Variants in SPOCK1 observed in about 807,000 individuals in gnomAD.
The protein encoded by SPOCK1 is SPARC (osteonectin), cwcv and kazal like domains proteoglycan 1, also known as testican-1.
In SPOCK1, 23 loss-of-function variants were observed where a neutral mutation model predicts 55.3. The ratio of observed to expected loss-of-function variants is 0.42; its 90% CI spans 0.30 to 0.59. SPOCK1 has a LOEUF of 0.59. Among genes scored for constraint, SPOCK1 ranks in the 20% least tolerant of loss-of-function variants. The pLI is 0.22. For synonymous variants in SPOCK1, 226 were observed against 221.0 expected (o/e 1.02, Z -0.20); for missense variants, 499 against 552.5 (o/e 0.90, Z 0.97).
chr5:137,327,978 G>A (rs977342371), intron 2 of SPOCK1, among the ~76,000 whole-genome samples: 10 of 152,180 alleles, frequency 6.6e-5, no homozygotes, highest in East Asian at 1.9e-4. Flanking sequence ...ATCACACTGC[G>A]GAATTAACCA....
chr5:137,329,887 AT>A (rs1758139503), intron 2 of SPOCK1, among the ~76,000 whole-genome samples: 1 of 152,168 alleles, frequency 6.6e-6, no homozygotes, highest in Admixed American at 6.5e-5. Flanking sequence ...AGGAAATGCT[AT>A]TTTGGGGTCA....
intron 6 of SPOCK1, among the ~76,000 whole-genome samples, chr5:137,043,562 G>A (rs1752040809): frequency 6.6e-6 from 1 of 152,190 alleles, no homozygotes; most frequent in South Asian, 2.1e-4. Flanking sequence ...TGCATCAATG[G>A]TGATAAGTCA....
At chr5:137,202,249 G>GGAA (rs1257276695) in intron 3 of SPOCK1, among the ~76,000 whole-genome samples, 1 of 152,174 alleles carries the variant, frequency 6.6e-6, no homozygotes, top group Admixed American at 6.5e-5. Context: ...ATGATGAAAA[G>GGAA]GAAAAACTGA....
chr5:137,349,617 T>G (rs1363598019), intron 2 of SPOCK1, among the ~76,000 whole-genome samples: 1 of 152,170 alleles, frequency 6.6e-6, no homozygotes, highest in South Asian at 2.1e-4. Context: ...GCAGGGCTGG[T>G]TCGTTCTGAG....
chr5:137,445,597 G>A (rs1428721081), intron 2 of SPOCK1, among the ~76,000 whole-genome samples: 1 of 152,146 alleles, frequency 6.6e-6, no homozygotes, highest in Admixed American at 6.5e-5. Context: ...TCCCAAGAAA[G>A]GTTAATTCAA....
At chr5:137,066,060 T>C (rs1040778269) in intron 6 of SPOCK1, among the ~76,000 whole-genome samples, 2 of 152,226 alleles carry the variant, frequency 1.3e-5, no homozygotes, top group African/African-American at 4.8e-5. Context: ...AATGGCAGAC[T>C]TGGAGGCCAT....
intron 3 of SPOCK1, among the ~76,000 whole-genome samples, chr5:137,142,066 T>C (rs1363086697): frequency 6.6e-6 from 1 of 152,190 alleles, no homozygotes; most frequent in African/African-American, 2.4e-5. Flanking sequence ...GCCTAAAGCC[T>C]ATTAAGCAGT....
chr5:137,131,899 G>A (rs1368879300), intron 4 of SPOCK1, among the ~76,000 whole-genome samples: 1 of 142,358 alleles, frequency 7.0e-6, no homozygotes, highest in African/African-American at 2.7e-5. Context: ...GTGAACCCGG[G>A]AGGCGGAGCT....
chr5:137,204,512 A>C (rs1165466986), intron 3 of SPOCK1, among the ~76,000 whole-genome samples: 1 of 151,886 alleles, frequency 6.6e-6, no homozygotes, highest in East Asian at 1.9e-4. Flanking sequence ...TCTAAGAGCC[A>C]ACCTTAAATT....
intron 6 of SPOCK1, among the ~76,000 whole-genome samples, chr5:137,065,248 T>C (rs1445222259): frequency 8.5e-6 from 1 of 117,588 alleles, no homozygotes; most frequent in Non-Finnish European, 1.9e-5. Flanking sequence ...AAAAAAAGAA[T>C]CCATATTAGA....
chr5:137,067,853 T>C (rs773424031), intron 5 of SPOCK1, 24 bp from the exon 6 acceptor site: 1 of 1,596,636 alleles, frequency 6.3e-7, no homozygotes, highest in South Asian at 1.1e-5. Context: ...ACACAACAGG[T>C]CTTAAGAATG....
intron 6 of SPOCK1, among the ~76,000 whole-genome samples, chr5:137,024,317 G>GC (rs529862096): frequency 1.1e-5 from 1 of 89,160 alleles, no homozygotes; most frequent in African/African-American, 3.2e-5. Flanking sequence ...AGTTTGAAGG[G>GC]GGGGGGGTAG....
Position 137,314,760 on chromosome 5 carries a change from C to T in SPOCK1, c.187-47705G>A, listed in dbSNP as rs563582849. Among the ~76,000 whole-genome samples the T allele has an allele frequency of 6.6e-5, 10 of 152,258 alleles. No homozygotes were observed. The East Asian group carries it at 7.7e-4, about 12-fold the overall frequency. ...TAAAGGTTTTAGAGTGCATGGACCA[C>T]GTTTTCCATGTTCTCTTTACTCCTC... is the stretch of plus-strand genomic sequence containing the variant. On this transcript the variant is annotated intron_variant, in intron 2 of 10. Transcript: ENST00000394945.
At chr5:137,205,638 C>A (rs2127078650) in intron 3 of SPOCK1, among the ~76,000 whole-genome samples, 2 of 152,296 alleles carry the variant, frequency 1.3e-5, no homozygotes, top group South Asian at 4.1e-4. Context: ...CTGAAACATG[C>A]CTCTTGGACT....
intron 6 of SPOCK1, among the ~76,000 whole-genome samples, chr5:137,043,042 G>T (rs1212488342): frequency 1.3e-5 from 2 of 152,050 alleles, no homozygotes; most frequent in Admixed American, 1.3e-4. Flanking sequence ...TGATTCTATG[G>T]CTGGGATACT....
chr5:137,356,698 C>T (rs956618940), intron 2 of SPOCK1, among the ~76,000 whole-genome samples: 6 of 148,262 alleles, frequency 4.0e-5, no homozygotes, highest in Non-Finnish European at 6.0e-5. Flanking sequence ...GGCTGAGGCA[C>T]GAGAATCACT....
At chr5:137,024,314 A>AGGCG (rs71583270) in intron 6 of SPOCK1, among the ~76,000 whole-genome samples, 47,152 of 118,754 alleles carry the variant, frequency 0.4, 11,532 homozygotes, top group Non-Finnish European at 0.52. Flanking sequence ...ACCAGTTTGA[A>AGGCG]GGGGGGGGGG....
chr5:137,041,014 A>T (rs889298570), intron 6 of SPOCK1, among the ~76,000 whole-genome samples: 2 of 152,200 alleles, frequency 1.3e-5, no homozygotes, highest in Non-Finnish European at 2.9e-5. Flanking sequence ...CTTTAAAAAA[A>T]TTTTTAATTA....
chr5:137,487,535 A>T (rs1754085519), intron 2 of SPOCK1, among the ~76,000 whole-genome samples: 1 of 152,172 alleles, frequency 6.6e-6, no homozygotes, highest in African/African-American at 2.4e-5. Context: ...CATACCCTTA[A>T]CACCACTTCA....
Sources: gnomAD v4.1 joint callset for allele counts (sites outside exome capture counted in the v4.1 genomes callset) on GRCh38, gnomAD v4.1.1 for gene constraint, MANE v1.5 for transcripts, NCBI Gene and HGNC (gene_info 2026-07-23, HGNC 2026-07-21) for gene names.